Variants in DDIT4 observed in about 807,000 individuals in gnomAD.
DDIT4 encodes DNA damage inducible transcript 4.
Under a neutral mutation model 20.2 loss-of-function variants are expected in DDIT4, and 20 were observed. That is an observed-to-expected ratio of 0.99 (90% CI 0.70 to 1.44). The LOEUF (loss-of-function observed/expected upper bound fraction) is 1.44. Ranked by LOEUF, DDIT4 falls within the 40% of genes most tolerant of loss-of-function variation. The pLI is 0.00. For missense variants in DDIT4, 316 were observed against 298.1 expected (o/e 1.06, Z -0.44); for synonymous variants, 152 against 144.6 (o/e 1.05, Z -0.37).
rs763824400 is a variant in DDIT4, at chr10:72,274,759, A to G, written c.270A>G (p.Glu90=). 6.2e-7 allele frequency: 1 copy of G among 1,614,064 alleles called. No individual in the cohort carries two copies. Among genetic ancestry groups the G allele is most frequent in the Non-Finnish European group, 8.5e-7 (1 of 1,180,014 alleles). Residue 90 remains glutamate (E), a synonymous_variant, in exon 3 of 3, where the codon GAA becomes GAG. Coordinates refer to ENST00000307365, the MANE Select transcript of DDIT4 (RefSeq NM_019058.4). ...DFELLSDPED[E]HLCANLMQLL... is the part of the protein sequence containing the mutation. ...AGCTGCTCAGTGACCCTGAGGATGA[A>G]CACTTGTGTGCCAACCTGATGCAGC... is the stretch of plus-strand genomic sequence containing the variant.
chr10:72,274,260 C>T lies in DDIT4; in HGVS notation c.44C>T (p.Ser15Phe). 6.2e-7 allele frequency: 1 copy of T among 1,613,844 alleles called. No individual in the cohort carries two copies. The highest frequency in any genetic ancestry group is 8.5e-7 in the Non-Finnish European group (1 of 1,179,978). ...CGCTTCTCGTCGTCGTCCACCTCCT[C>T]TTCGCCCTCGTCCTTGCCCCGAACT... ...WDRFSSSSTSSSPSSLPRTPT... is the reference protein window; with the variant it reads ...WDRFSSSSTSFSPSSLPRTPT... Residue 15 changes from serine (S) to phenylalanine (F), a missense_variant, in exon 2 of 3, where the codon TCT (serine) becomes TTT (phenylalanine). Transcript: ENST00000307365.
At position 72,274,754 on chromosome 10, in the gene DDIT4, G is replaced by A. The variant is rs199752273; in HGVS notation, c.265G>A (p.Asp89Asn). Residue 89 changes from aspartate (D) to asparagine (N), a missense_variant, in exon 3 of 3, where the codon GAT (aspartate) becomes AAT (asparagine). Asp to Asn is a conservative substitution (Grantham distance 23). Coordinates refer to ENST00000307365, the MANE Select transcript of DDIT4 (RefSeq NM_019058.4). ...CTTCGAGCTGCTCAGTGACCCTGAGGATGAACACTTGTGTGCCAACCTGAT... is the reference window on the plus strand; with the variant it reads ...CTTCGAGCTGCTCAGTGACCCTGAGAATGAACACTTGTGTGCCAACCTGAT... ...PDFELLSDPE[D>N]EHLCANLMQL... is the part of the protein sequence containing the mutation. 1.2e-6 allele frequency: 2 copies of A among 1,614,100 alleles called. No homozygotes were observed. The highest frequency in any genetic ancestry group is 1.3e-5 in the African/African-American group (1 of 75,086).
In DDIT4 at chr10:72,274,427, C is replaced by CG; in HGVS notation, c.205+8dup. 1.3e-6 allele frequency: 2 copies of CG among 1,549,086 alleles called. No homozygotes were observed. Among genetic ancestry groups the CG allele is most frequent in the Non-Finnish European group, 1.7e-6 (2 of 1,151,004 alleles). ...TGGCTTCGGGCCGGAGGAAGGTGAGCGGTGGGCGGGTGCCGACGCGACTCG... is the reference window on the plus strand; with the variant it reads ...TGGCTTCGGGCCGGAGGAAGGTGAGCGGGTGGGCGGGTGCCGACGCGACTCG... On this transcript the variant is annotated splice_region_variant and intron_variant, in intron 2 of 2. Coordinates refer to ENST00000307365, the MANE Select transcript of DDIT4 (RefSeq NM_019058.4).
At position 72,275,826 on chromosome 10, in the gene DDIT4, C is replaced by G. The variant is rs1860824124; in HGVS notation, c.*638C>G. On this transcript the variant is annotated 3_prime_UTR_variant, in exon 3 of 3. Transcript: ENST00000307365. ...CCTGGCAGCTGCGTTTAAGCCTTCC[C>G]CCATCGTGTACTGCAGAGTTGAGCT... 1 of 152,974 alleles carries G rather than the reference C, an allele frequency of 6.5e-6. No individual in the cohort carries two copies. Among genetic ancestry groups the G allele is most frequent in the Admixed American group, 6.5e-5 (1 of 15,288 alleles). The allele number at this position is 152,974 out of a possible 1,614,324, so 9.5% of individuals were successfully genotyped here. A position where few individuals can be genotyped will look rare whatever the true frequency, so the allele number is the denominator to read the frequency against.
Position 72,274,681 on chromosome 10 carries a change from G to T in DDIT4, c.206-14G>T, listed in dbSNP as rs1053744820. The T allele has an allele frequency of 3.1e-6, 5 of 1,598,980 alleles. No homozygotes were observed. Among genetic ancestry groups the T allele is most frequent in the Non-Finnish European group, 4.3e-6 (5 of 1,171,250 alleles). Reference sequence around the variant, plus strand: ...GCCGCTCTAATACCCCTTCCTGTGTGCTCTCCTTTCCAGACACGGCTTACC... The same window carrying T: ...GCCGCTCTAATACCCCTTCCTGTGTTCTCTCCTTTCCAGACACGGCTTACC... On this transcript the variant is annotated splice_polypyrimidine_tract_variant and intron_variant, in intron 2 of 2. Transcript: ENST00000307365.
In DDIT4 at chr10:72,274,703, T is replaced by C. The variant is rs1860806004; in HGVS notation, c.214T>C (p.Tyr72His). ...SGFGPEEDTAYLDGVSLPDFE... is the reference protein window; with the variant it reads ...SGFGPEEDTAHLDGVSLPDFE... ...TGTGCTCTCCTTTCCAGACACGGCT[T>C]ACCTGGATGGGGTGTCGTTGCCCGA... Residue 72 changes from tyrosine (Y) to histidine (H), a missense_variant, in exon 3 of 3, where the codon TAC (tyrosine) becomes CAC (histidine). Transcript: ENST00000307365. 1 of 1,609,292 alleles carries C rather than the reference T, an allele frequency of 6.2e-7. No individual in the cohort carries two copies.
At position 72,274,143 on chromosome 10, in the gene DDIT4, C is replaced by T. The variant is rs1860796805; in HGVS notation, c.-60-14C>T. On this transcript the variant is annotated splice_polypyrimidine_tract_variant and intron_variant, in intron 1 of 2. Coordinates refer to ENST00000307365, the MANE Select transcript of DDIT4 (RefSeq NM_019058.4). ...CCAGACTGACGCCTGGTCGGTCCCC[C>T]TCTTGTCTTACAGCGGCTTCTACGC... The T allele has an allele frequency of 1.6e-6, 2 of 1,256,028 alleles. No individual in the cohort carries two copies. Among genetic ancestry groups the T allele is most frequent in the South Asian group, 1.2e-5 (1 of 84,074 alleles). 77.8% of individuals were successfully genotyped at this position (1,256,028 alleles called of 1,614,324 possible). A position where few individuals can be genotyped will look rare whatever the true frequency, so the allele number is the denominator to read the frequency against.
chr10:72,274,136 G>A (rs889281158), intron 1 of DDIT4, 21 bp from the exon 2 acceptor site: 2 of 1,129,010 alleles, frequency 1.8e-6, no homozygotes, highest in Non-Finnish European at 1.3e-6. Context: ...ACGCCTGGTC[G>A]GTCCCCCTCT....
rs1860808554 is a variant in DDIT4 at position 72,274,859 on chromosome 10, G to GT, written c.371dup (p.Ser125LysfsTer70). 6.2e-7 allele frequency: 1 copy of GT among 1,613,344 alleles called. No individual in the cohort carries two copies. Among genetic ancestry groups the GT allele is most frequent in the South Asian group, 1.1e-5 (1 of 91,090 alleles). ...GCGCCTGCTGATGCCTAGCCAGTTGGTAAGCCAGGTGGGCAAAGAACTACT... is the reference window on the plus strand; with the variant it reads ...GCGCCTGCTGATGCCTAGCCAGTTGGTTAAGCCAGGTGGGCAAAGAACTACT... On this transcript the variant is annotated frameshift_variant, in exon 3 of 3. Coordinates refer to ENST00000307365, the MANE Select transcript of DDIT4 (RefSeq NM_019058.4). LOFTEE classifies it high-confidence loss of function.
At chr10:72,274,602 G>A (rs1268526336) in intron 2 of DDIT4, 93 bp from the exon 3 acceptor site, 4 of 1,483,502 alleles carry the variant, frequency 2.7e-6, no homozygotes, top group Non-Finnish European at 3.6e-6. Flanking sequence ...GTGGGAAGGA[G>A]CGTTGGTTTC....
chr10:72,275,434 G>C lies in DDIT4; in HGVS notation c.*246G>C, dbSNP rs1860818362. 1.2e-5 allele frequency: 6 copies of C among 514,654 alleles called. 1 individual carries two copies. Among genetic ancestry groups the C allele is most frequent in the Non-Finnish European group, 2.1e-5 (6 of 287,924 alleles). 31.9% of individuals were successfully genotyped at this position (514,654 alleles called of 1,614,324 possible). A position where few individuals can be genotyped will look rare whatever the true frequency, so the allele number is the denominator to read the frequency against. On this transcript the variant is annotated 3_prime_UTR_variant, in exon 3 of 3. Coordinates refer to ENST00000307365, the MANE Select transcript of DDIT4 (RefSeq NM_019058.4). ...AAACAAAGGCTTAGGGGCCAACAAG[G>C]CTTCCAGCTGGATGTGTGTGTAGCA... is the stretch of plus-strand genomic sequence containing the variant.
chr10:72,274,351 C>T lies in DDIT4; in HGVS notation c.135C>T (p.Arg45=), dbSNP rs145979821. 6.2e-7 allele frequency: 1 copy of T among 1,611,060 alleles called. No homozygotes were observed. The highest frequency in any genetic ancestry group is 8.5e-7 in the Non-Finnish European group (1 of 1,179,710). The part of the protein sequence containing the change: ...GSATREEGFD[R]STSLESSDCE... ...CGACCCGGGAGGAGGGGTTTGACCG[C>T]TCCACGAGCCTGGAGAGCTCGGACT... The change falls in exon 2 of 3, where the codon CGC becomes CGT. Residue 45 remains arginine (R), a synonymous_variant. Coordinates refer to ENST00000307365, the MANE Select transcript of DDIT4 (RefSeq NM_019058.4).
At position 72,274,290 on chromosome 10, in the gene DDIT4, C is replaced by G; in HGVS notation, c.74C>G (p.Thr25Ser). The G allele has an allele frequency of 6.2e-7, 1 of 1,613,458 alleles. No homozygotes were observed. Among genetic ancestry groups the G allele is most frequent in the Non-Finnish European group, 8.5e-7 (1 of 1,179,942 alleles). ...SSPSSLPRTP[T>S]PDRPPRSAWG... ...CCCTCGTCCTTGCCCCGAACTCCCACCCCAGATCGGCCGCCGCGCTCAGCC... is the reference window on the plus strand; with the variant it reads ...CCCTCGTCCTTGCCCCGAACTCCCAGCCCAGATCGGCCGCCGCGCTCAGCC... The change falls in exon 2 of 3, where the codon ACC becomes AGC. Residue 25 changes from threonine (T) to serine (S), a missense_variant. By Grantham distance (58) the Thr-to-Ser change is moderately conservative. Coordinates refer to ENST00000307365, the MANE Select transcript of DDIT4 (RefSeq NM_019058.4).
At chr10:72,274,648 G>C (rs763485847) in intron 2 of DDIT4, 47 bp from the exon 3 acceptor site, 3 of 1,547,896 alleles carry the variant, frequency 1.9e-6, no homozygotes, top group Non-Finnish European at 2.6e-6. Context: ...TGTGCGTTTC[G>C]TTTTGAAGCC....
At chr10:72,274,115 T>C in intron 1 of DDIT4, 42 bp from the exon 2 acceptor site, 1 of 930,014 alleles carries the variant, frequency 1.1e-6, no homozygotes, top group Non-Finnish European at 1.8e-6. Flanking sequence ...TCTGGTCTGG[T>C]CCCCAGACTG....
At position 72,275,196 on chromosome 10, in the gene DDIT4, C is replaced by T; in HGVS notation, c.*8C>T. The T allele has an allele frequency of 6.2e-7, 1 of 1,600,704 alleles. No homozygotes were observed. Among genetic ancestry groups the T allele is most frequent in the East Asian group, 2.2e-5 (1 of 44,814 alleles). ...CTCATTGAGGAGTGTTGAACTTCAA[C>T]CTGAGGGGGCCGACAGTGCCCTCCA... On this transcript the variant is annotated 3_prime_UTR_variant, in exon 3 of 3. Coordinates refer to ENST00000307365, the MANE Select transcript of DDIT4 (RefSeq NM_019058.4).
At position 72,275,893 on chromosome 10, in the gene DDIT4, C is replaced by CCGGGAGGAGTGCCATCTGGGTCTTCCAT. The variant is rs1860824959; in HGVS notation, c.*707_*734dup. The CCGGGAGGAGTGCCATCTGGGTCTTCCAT allele has an allele frequency of 1.3e-5, 2 of 152,794 alleles. No individual in the cohort carries two copies. Among genetic ancestry groups the CCGGGAGGAGTGCCATCTGGGTCTTCCAT allele is most frequent in the Admixed American group, 1.3e-4 (2 of 15,290 alleles). 9.5% of individuals were successfully genotyped at this position (152,794 alleles called of 1,614,324 possible). On this transcript the variant is annotated 3_prime_UTR_variant, in exon 3 of 3. Coordinates refer to ENST00000307365, the MANE Select transcript of DDIT4 (RefSeq NM_019058.4). ...AGAGGGTGGGGGCTGGAACCCCTCCCCGGGAGGAGTGCCATCTGGGTCTTC... is the reference window on the plus strand; with the variant it reads ...AGAGGGTGGGGGCTGGAACCCCTCCCCGGGAGGAGTGCCATCTGGGTCTTCCATCGGGAGGAGTGCCATCTGGGTCTTC...
rs2133724396 is a variant in DDIT4 at position 72,274,875 on chromosome 10, A to G, written c.386A>G (p.Lys129Arg). 3 of 1,613,362 alleles carry G rather than the reference A, an allele frequency of 1.9e-6. No individual in the cohort carries two copies. In the South Asian group the frequency reaches 3.3e-5, roughly 18 times the overall value. The change falls in exon 3 of 3, where the codon AAA becomes AGA. Residue 129 changes from lysine (K) to arginine (R), a missense_variant. By Grantham distance (26) the Lys-to-Arg change is conservative. Coordinates refer to ENST00000307365, the MANE Select transcript of DDIT4 (RefSeq NM_019058.4). ...MPSQLVSQVG[K>R]ELLRLAYSEP... ...AGCCAGTTGGTAAGCCAGGTGGGCAAAGAACTACTGCGCCTGGCCTACAGC... is the reference window on the plus strand; with the variant it reads ...AGCCAGTTGGTAAGCCAGGTGGGCAGAGAACTACTGCGCCTGGCCTACAGC...
chr10:72,275,283 T>A lies in DDIT4; in HGVS notation c.*95T>A, dbSNP rs1053639. The A allele has an allele frequency of 0.38, 528,045 of 1,395,196 alleles. 106,227 individuals are homozygous for A. The highest frequency in any genetic ancestry group is 0.78 in the East Asian group (33,496 of 43,178). The allele number at this position is 1,395,196 out of a possible 1,614,324, so 86.4% of individuals were successfully genotyped here. ...AGGCAGGAGCTGAGGGACTGATTCC[T>A]GTGGTTGGAAAACTGAGGCAGCCAC... On this transcript the variant is annotated 3_prime_UTR_variant, in exon 3 of 3. Transcript: ENST00000307365.
Sources: allele counts gnomAD v4.1 joint callset, GRCh38; gene constraint gnomAD v4.1.1; transcripts MANE v1.5; gene names NCBI Gene and HGNC (gene_info 2026-07-23, HGNC 2026-07-21).